Variants in DNAH3 observed in about 807,000 individuals in gnomAD.
DNAH3 encodes the protein axonemal beta dynein heavy chain 3.
DNAH3 carries 332 observed loss-of-function variants against 432.5 expected under a neutral mutation model. The observed-to-expected ratio is 0.77, with a 90% CI of 0.70 to 0.84. The LOEUF (loss-of-function observed/expected upper bound fraction) is 0.84, where lower values mean the gene tolerates loss of function less well. Among genes scored for constraint, DNAH3 ranks in the 40% least tolerant of loss-of-function variants. The pLI is 0.00. For synonymous variants in DNAH3, 1,956 were observed against 1,900.2 expected, an observed-to-expected ratio of 1.03 and a Z score of -0.76; for missense variants, 4,861 against 5,114.0, an observed-to-expected ratio of 0.95 and a Z score of 1.51.
Position 21,087,006 on chromosome 16 carries a change from C to T in DNAH3, c.2720G>A (p.Trp907Ter), listed in dbSNP as rs916125013. Residue 907 changes from tryptophan to a stop codon, truncating the protein, a stop_gained, in exon 19 of 62, where the codon TGG (tryptophan) becomes TAG (stop). Transcript: ENST00000261383. LOFTEE classifies it high-confidence loss of function. ...CTTGATCAGTTTATACGTTGTCCTC[C>T]ACATATTCCCTATCTCCTCCGCAAT... The T allele has an allele frequency of 1.2e-6, 2 of 1,614,054 alleles. No individual in the cohort carries two copies. The highest frequency in any genetic ancestry group is 1.7e-5 in the Admixed American group (1 of 60,000).
intron 41 of DNAH3, among the ~76,000 whole-genome samples, chr16:21,011,413 G>A (rs1435278103): frequency 2.0e-5 from 3 of 152,174 alleles, no homozygotes; most frequent in African/African-American, 4.8e-5. Context: ...ACGCATGGCT[G>A]TAGGTGCATC....
In DNAH3 at chr16:20,963,499, C is replaced by CCAGGG; in HGVS notation, c.10380_10384dup (p.Gly3462AlafsTer15). ...CAATCCTTGAGAGAACTTCCAAGAC[C>CCAGGG]CAGGGAGTTGCTCCTCATGGGGCCA... On this transcript the variant is annotated frameshift_variant, in exon 53 of 62. Coordinates refer to ENST00000261383, the Ensembl canonical transcript of DNAH3. LOFTEE classifies it high-confidence loss of function. 6.2e-7 allele frequency: 1 copy of CCAGGG among 1,614,062 alleles called. No individual in the cohort carries two copies.
chr16:21,104,389 G>T, intron 16 of DNAH3, 82 bp downstream of exon 16: 1 of 1,232,290 alleles, frequency 8.1e-7, no homozygotes, highest in Non-Finnish European at 1.2e-6. Flanking sequence ...GCTGGGGGAT[G>T]GCTTAGACAG....
At chr16:21,111,494 T>C (rs2092070743) in intron 14 of DNAH3, 132 bp downstream of exon 14, 1 of 857,640 alleles carries the variant, frequency 1.2e-6, no homozygotes, top group Admixed American at 2.6e-5. Context: ...CTCACTACCC[T>C]TACTTAGGGG....
chr16:20,959,368 C>A, exon 54 of DNAH3: 1 of 1,613,990 alleles, frequency 6.2e-7, no homozygotes, highest in Non-Finnish European at 8.5e-7. Context: ...TGTTCTGGTA[C>A]CTCCCATACC....
At chr16:21,084,722 C>T (rs1038984038) in intron 19 of DNAH3, among the ~76,000 whole-genome samples, 4 of 152,160 alleles carry the variant, frequency 2.6e-5, no homozygotes, top group Non-Finnish European at 4.4e-5. Context: ...ATCCTCCTGT[C>T]TCGGCCTCCT....
intron 55 of DNAH3, among the ~76,000 whole-genome samples, chr16:20,953,668 C>A (rs1406794694): frequency 6.6e-6 from 1 of 151,892 alleles, no homozygotes; most frequent in Non-Finnish European, 1.5e-5. Context: ...AACTCCCAGG[C>A]TCAAGTGATC....
chr16:21,142,422 T>C (rs1375016480), intron 3 of DNAH3, among the ~76,000 whole-genome samples: 1 of 152,048 alleles, frequency 6.6e-6, no homozygotes, highest in Non-Finnish European at 1.5e-5. Context: ...TAAAATAAAC[T>C]TAGTACATTT....
At chr16:20,936,693 C>T in exon 60 of DNAH3, 1 of 1,607,472 alleles carries the variant, frequency 6.2e-7, no homozygotes, top group Non-Finnish European at 8.5e-7. Flanking sequence ...ACGTAGCCCC[C>T]CAGAGGCTTC....
At chr16:21,155,215 G>A (rs940012558) in intron 1 of DNAH3, among the ~76,000 whole-genome samples, 2 of 152,048 alleles carry the variant, frequency 1.3e-5, no homozygotes, top group African/African-American at 4.8e-5. Flanking sequence ...CTCCCAAAGT[G>A]CTGGGATTCA....
At chr16:21,059,087 A>C (rs573319114) in intron 26 of DNAH3, among the ~76,000 whole-genome samples, 31 of 152,344 alleles carry the variant, frequency 2.0e-4, no homozygotes, top group African/African-American at 7.5e-4. Flanking sequence ...TTGTGCCACA[A>C]GGGCAAAGCT....
At chr16:21,038,481 A>C (rs1268069287) in intron 33 of DNAH3, among the ~76,000 whole-genome samples, 4 of 152,146 alleles carry the variant, frequency 2.6e-5, no homozygotes, top group Non-Finnish European at 4.4e-5. Flanking sequence ...TTGCATCACT[A>C]CACTCCACTT....
At chr16:21,016,670 G>A (rs998519530) in intron 41 of DNAH3, among the ~76,000 whole-genome samples, 1 of 152,088 alleles carries the variant, frequency 6.6e-6, no homozygotes, top group Admixed American at 6.6e-5. Context: ...ATATACACCA[G>A]AAATAGCAGA....
chr16:21,104,951 C>T (rs144734100), intron 15 of DNAH3, among the ~76,000 whole-genome samples: 32 of 152,196 alleles, frequency 2.1e-4, no homozygotes, highest in Admixed American at 1.1e-3. Flanking sequence ...AGTCAGAAAC[C>T]CAGATTGATG....
intron 1 of DNAH3, among the ~76,000 whole-genome samples, chr16:21,149,413 T>G (rs1049579259): frequency 1.3e-5 from 2 of 152,204 alleles, no homozygotes; most frequent in African/African-American, 4.8e-5. Flanking sequence ...GGCAACCTGG[T>G]GATTCAACAC....
intron 54 of DNAH3, among the ~76,000 whole-genome samples, chr16:20,956,180 G>A (rs982412338): frequency 3.3e-5 from 5 of 152,156 alleles, no homozygotes; most frequent in Admixed American, 6.5e-5. Context: ...CACCCACCTC[G>A]GCCCCCCAAA....
Position 21,042,209 on chromosome 16 carries a change from GT to G in DNAH3, c.4462-7del, listed in dbSNP as rs1567687158. 1.9e-6 allele frequency: 3 copies of G among 1,587,990 alleles called. No individual in the cohort carries two copies. Among genetic ancestry groups the G allele is most frequent in the Non-Finnish European group, 2.6e-6 (3 of 1,167,646 alleles). Reference sequence around the variant, plus strand: ...ACCACAGACAGCACTTCTACCTGGGGTGAGAATGCCCGGCTGATAAGAGCAT... The same window carrying G: ...ACCACAGACAGCACTTCTACCTGGGGGAGAATGCCCGGCTGATAAGAGCAT... On this transcript the variant is annotated splice_region_variant and splice_polypyrimidine_tract_variant and intron_variant, in intron 31 of 61. Transcript: ENST00000261383.
intron 1 of DNAH3, among the ~76,000 whole-genome samples, chr16:21,158,183 A>G (rs910633084): frequency 2.0e-5 from 3 of 152,156 alleles, no homozygotes; most frequent in Admixed American, 6.5e-5. Context: ...TGGACATCCA[A>G]TCCATCTGAA....
rs1252197745 is a variant in DNAH3, at chr16:21,069,477, G to C, written c.3319C>G (p.Pro1107Ala). ...ATGCCAAATTTCCTCCCCTCTTCTGGCATCTGGGCTATGATGTCCTCTGAA... is the reference window on the plus strand; with the variant it reads ...ATGCCAAATTTCCTCCCCTCTTCTGCCATCTGGGCTATGATGTCCTCTGAA... The change falls in exon 23 of 62, where the codon CCA (proline) becomes GCA (alanine). Residue 1107 changes from proline to alanine, a missense_variant. By Grantham distance (27) the Pro-to-Ala change is conservative. Transcript: ENST00000261383. The C allele has an allele frequency of 6.8e-6, 11 of 1,613,952 alleles. No homozygotes were observed. The highest frequency in any genetic ancestry group is 9.3e-6 in the Non-Finnish European group (11 of 1,180,014).
Sources: allele counts gnomAD v4.1 joint callset (sites outside exome capture counted in the v4.1 genomes callset), GRCh38; gene constraint gnomAD v4.1.1; transcripts MANE v1.5; gene names NCBI Gene and HGNC (gene_info 2026-07-23, HGNC 2026-07-21).